The following ANKFY1 variants were observed in gnomAD, a reference collection of about 807,000 sequenced individuals.
ANKFY1 encodes ankyrin repeat and FYVE domain containing 1.
A neutral mutation model predicts 128.3 loss-of-function variants in ANKFY1; 47 were observed. The observed-to-expected ratio is 0.37, with a 90% CI of 0.29 to 0.47. ANKFY1 has a LOEUF of 0.47. Among genes scored for constraint, ANKFY1 ranks in the 20% least tolerant of loss-of-function variants. ANKFY1 has a pLI of 1.00. For missense variants in ANKFY1, 1,222 were observed against 1,510.6 expected (o/e 0.81, Z 3.17); for synonymous variants, 553 against 601.6 (o/e 0.92, Z 1.18).
chr17:4,195,156 G>T lies in ANKFY1; in HGVS notation c.1194C>A (p.Asp398Glu). ...GCCACAGAGCCGTGCTGCCCTCGTGGTCTTTGAGTTCTAAATCTAGTCTGA... is the reference window on the plus strand; with the variant it reads ...GCCACAGAGCCGTGCTGCCCTCGTGTTCTTTGAGTTCTAAATCTAGTCTGA... ...QCKQLDLELK[D>E]HEGSTALWLA... The change falls in exon 10 of 25, where the codon GAC becomes GAA. Residue 398 changes from aspartate to glutamate, a missense_variant. Coordinates refer to ENST00000341657, the MANE Select transcript of ANKFY1 (RefSeq NM_001330063.2). 6.2e-7 allele frequency: 1 copy of T among 1,609,470 alleles called. No individual in the cohort carries two copies. Among genetic ancestry groups the T allele is most frequent in the Non-Finnish European group, 8.5e-7 (1 of 1,176,552 alleles).
At position 4,197,527 on chromosome 17, in the gene ANKFY1, C is replaced by A. The variant is rs577444406; in HGVS notation, c.949G>T (p.Ala317Ser). ...GTCTCCTGGGCACCCAGTGTAGCAG[C>A]GTTGACAAAGGCCCCATTCTTAATG... Reference protein sequence around the residue: ...FLIKNGAFVNAATLGAQETPL... With the variant: ...FLIKNGAFVNSATLGAQETPL... The change falls in exon 8 of 25, where the codon GCT becomes TCT. Residue 317 changes from alanine (A) to serine (S), a missense_variant. Ala to Ser is a moderately conservative substitution (Grantham distance 99). Coordinates refer to ENST00000341657, the MANE Select transcript of ANKFY1 (RefSeq NM_001330063.2). The A allele has an allele frequency of 1.9e-6, 3 of 1,614,128 alleles. No homozygotes were observed. Among genetic ancestry groups the A allele is most frequent in the African/African-American group, 2.7e-5 (2 of 75,012 alleles).
intron 22 of ANKFY1, 55 bp from the exon 23 acceptor site, chr17:4,170,916 C>CACAGACGGAGGGCGGAGG: frequency 6.2e-7 from 1 of 1,612,436 alleles, no homozygotes; most frequent in South Asian, 1.1e-5. Context: ...GCCCGGCAGC[C>CACAGACGGAGGGCGGAGG]ACAGACGGAG....
intron 4 of ANKFY1, 147 bp downstream of exon 4, chr17:4,216,836 G>T: frequency 9.2e-7 from 1 of 1,087,110 alleles, no homozygotes; most frequent in Non-Finnish European, 1.4e-6. Flanking sequence ...AAGCAAGGGA[G>T]GTAACATCTG....
Position 4,170,771 on chromosome 17 carries a change from C to A in ANKFY1, c.3230G>T (p.Gly1077Val). The stretch of plus-strand genomic sequence containing the variant: ...GACCTGGTAGTTGAAGATGTTGACT[C>A]CCTGGTTGTTATTCACCCCGAGGCG... ...GARLGVNNNQ[G>V]VNIFNYQVAT... is the part of the protein sequence containing the mutation. The change falls in exon 23 of 25, where the codon GGA (glycine) becomes GTA (valine). Residue 1077 changes from glycine (G) to valine (V), a missense_variant. Physicochemically the swap from Gly to Val is moderately radical, Grantham distance 109. Transcript: ENST00000341657. 1 of 1,614,126 alleles carries A rather than the reference C, an allele frequency of 6.2e-7. No homozygotes were observed. The highest frequency in any genetic ancestry group is 8.5e-7 in the Non-Finnish European group (1 of 1,180,008).
At chr17:4,184,734 C>T in intron 12 of ANKFY1, 84 bp downstream of exon 12, 1 of 1,463,206 alleles carries the variant, frequency 6.8e-7, no homozygotes, top group Non-Finnish European at 9.4e-7. Context: ...AACTCACCAA[C>T]AGAAAAAACA....
intron 16 of ANKFY1, 83 bp from the exon 17 acceptor site, chr17:4,179,960 C>A: frequency 3.9e-6 from 6 of 1,545,164 alleles, no homozygotes; most frequent in Non-Finnish European, 5.3e-6. Context: ...AAAGCAGGAG[C>A]CTCATCCAAT....
At chr17:4,225,282 G>A (rs139044553) in intron 3 of ANKFY1, among the ~76,000 whole-genome samples, 9 of 152,172 alleles carry the variant, frequency 5.9e-5, no homozygotes, top group Admixed American at 1.3e-4. Flanking sequence ...TCTTGAAGCC[G>A]GGAGGCAGAG....
chr17:4,240,405 T>TA (rs1266046191), intron 2 of ANKFY1, among the ~76,000 whole-genome samples: 1 of 151,060 alleles, frequency 6.6e-6, no homozygotes, highest in African/African-American at 2.4e-5. Context: ...TTTATTTATT[T>TA]TTTTAAGACA....
In ANKFY1 at chr17:4,167,987, C is replaced by T; in HGVS notation, c.3378-76G>A. 2.0e-6 allele frequency: 3 copies of T among 1,511,704 alleles called. No individual in the cohort carries two copies. Among genetic ancestry groups the T allele is most frequent in the South Asian group, 1.3e-5 (1 of 77,634 alleles). The allele number at this position is 1,511,704 out of a possible 1,614,324, so 93.6% of individuals were successfully genotyped here. A position where few individuals can be genotyped will look rare whatever the true frequency, so the allele number is the denominator to read the frequency against. ...GCTTCCTGGCACGTGAGGACAACCG[C>T]AGCAGGGCCTGGCAGCCAAGGCGCC... On this transcript the variant is annotated intron_variant, in intron 24 of 24. Coordinates refer to ENST00000341657, the MANE Select transcript of ANKFY1 (RefSeq NM_001330063.2). This position sits in a 1 kb window ranked among gnomAD's most constrained non-coding sequence, Gnocchi z 4.1.
intron 10 of ANKFY1, among the ~76,000 whole-genome samples, chr17:4,193,180 G>C (rs1441892804): frequency 1.3e-5 from 2 of 152,078 alleles, no homozygotes; most frequent in African/African-American, 2.4e-5. Flanking sequence ...TATAATTAAA[G>C]AATGCATATT....
intron 4 of ANKFY1, among the ~76,000 whole-genome samples, chr17:4,212,640 G>C (rs1191332805): frequency 6.6e-6 from 1 of 152,166 alleles, no homozygotes; most frequent in African/African-American, 2.4e-5. Context: ...ACCATAACTA[G>C]CTAGCAGATA....
chr17:4,178,687 C>T lies in ANKFY1; in HGVS notation c.2598+170G>A. 1 of 679,472 alleles carries T rather than the reference C, an allele frequency of 1.5e-6. No individual in the cohort carries two copies. Among genetic ancestry groups the T allele is most frequent in the Non-Finnish European group, 2.5e-6 (1 of 399,990 alleles). The allele number at this position is 679,472 out of a possible 1,614,324, so 42.1% of individuals were successfully genotyped here. ...TGACACACAGGCAGAGGAGCCGGAT[C>T]TCATCCTGCACGGATGGGACATCTC... is the stretch of plus-strand genomic sequence containing the variant. On this transcript the variant is annotated intron_variant, in intron 18 of 24. Coordinates refer to ENST00000341657, the MANE Select transcript of ANKFY1 (RefSeq NM_001330063.2). This position sits in a 1 kb window ranked among gnomAD's most constrained non-coding sequence, Gnocchi z 4.1.
intron 2 of ANKFY1, 124 bp from the exon 3 acceptor site, chr17:4,236,014 C>T (rs1228933740): frequency 3.0e-6 from 2 of 672,878 alleles, no homozygotes; most frequent in South Asian, 3.7e-5. Context: ...AAAATTACAG[C>T]GAAGAATTAT....
In ANKFY1 at chr17:4,164,258, C is replaced by T. The variant is rs1043587; in HGVS notation, c.*3521G>A. 0.034 allele frequency: 5,250 copies of T among 152,768 alleles called. 161 individuals carry two copies. Among genetic ancestry groups the T allele is most frequent in the East Asian group, 0.099 (514 of 5,186 alleles). 9.5% of individuals were successfully genotyped at this position (152,768 alleles called of 1,614,324 possible). A position where few individuals can be genotyped will look rare whatever the true frequency, so the allele number is the denominator to read the frequency against. On this transcript the variant is annotated 3_prime_UTR_variant, in exon 25 of 25. Coordinates refer to ENST00000341657, the MANE Select transcript of ANKFY1 (RefSeq NM_001330063.2). Reference sequence around the variant, plus strand: ...AGAAAACCAATGTTGTCAGTTGTAACAGGTTAATATATTATTTATGCCACA... The same window carrying T: ...AGAAAACCAATGTTGTCAGTTGTAATAGGTTAATATATTATTTATGCCACA...
In ANKFY1 at chr17:4,197,264, G is replaced by T; in HGVS notation, c.1103+109C>A. On this transcript the variant is annotated intron_variant, in intron 8 of 24. Transcript: ENST00000341657. ...CTGTGACTTTAATGAAAATAAGACT[G>T]AATAATGCCAAACTAAAGAACATGA... 3 of 1,175,640 alleles carry T rather than the reference G, an allele frequency of 2.6e-6. No individual in the cohort carries two copies. The South Asian group carries it at 4.0e-5, about 16-fold the overall frequency. The allele number at this position is 1,175,640 out of a possible 1,614,324, so 72.8% of individuals were successfully genotyped here.
At chr17:4,225,897 A>G (rs2060417373) in intron 3 of ANKFY1, among the ~76,000 whole-genome samples, 1 of 152,062 alleles carries the variant, frequency 6.6e-6, no homozygotes. Flanking sequence ...AGTAACTGGG[A>G]CCACAGGTGA....
intron 1 of ANKFY1, among the ~76,000 whole-genome samples, chr17:4,247,521 A>G (rs1009376458): frequency 2.0e-5 from 3 of 152,194 alleles, no homozygotes; most frequent in African/African-American, 7.2e-5. Flanking sequence ...TAATGCACTC[A>G]GGCAGCTTAT....
chr17:4,203,360 C>A (rs1430176981), intron 7 of ANKFY1, among the ~76,000 whole-genome samples: 1 of 152,142 alleles, frequency 6.6e-6, no homozygotes, highest in Non-Finnish European at 1.5e-5. Context: ...AAAAACTTCA[C>A]ACTAAAAAAA....
chr17:4,250,055 T>C (rs1967748432), intron 1 of ANKFY1, among the ~76,000 whole-genome samples: 1 of 152,214 alleles, frequency 6.6e-6, no homozygotes, highest in Admixed American at 6.5e-5. Context: ...CTCTGTACTC[T>C]AGCTTTCTTC....
Sources: allele counts gnomAD v4.1 joint callset (sites outside exome capture counted in the v4.1 genomes callset), GRCh38; gene constraint gnomAD v4.1.1; non-coding constraint Gnocchi (gnomAD v3.1); transcripts MANE v1.5; gene names NCBI Gene and HGNC (gene_info 2026-07-23, HGNC 2026-07-21).